Variants in SEC22B observed in about 807,000 individuals in gnomAD.
The protein encoded by SEC22B is SEC22 homolog B, vesicle trafficking protein.
In SEC22B, 10 loss-of-function variants were observed where a neutral mutation model predicts 31.4. That is an observed-to-expected ratio of 0.32 (90% CI 0.20 to 0.54). The LOEUF (loss-of-function observed/expected upper bound fraction) is 0.54. Among genes scored for constraint, SEC22B ranks in the 20% least tolerant of loss-of-function variants. The pLI is 0.94. For missense variants in SEC22B, 130 were observed against 263.4 expected (o/e 0.49, Z 3.50); for synonymous variants, 60 against 95.9 (o/e 0.63, Z 2.19).
intron 4 of SEC22B, chr1:120,159,052 T>G (rs1382601384): frequency 1.3e-5 from 2 of 152,138 alleles, no homozygotes; most frequent in Non-Finnish European, 2.9e-5. Context: ...ATGTCCACAT[T>G]AAACACTTAG....
intron 3 of SEC22B, among the ~76,000 whole-genome samples, chr1:120,161,772 T>C (rs1657722376): frequency 6.6e-6 from 1 of 151,952 alleles, no homozygotes; most frequent in Non-Finnish European, 1.5e-5. Flanking sequence ...CTCAAAACTA[T>C]AGGAAGAATG....
At chr1:120,165,502 G>A (rs1413294528) in intron 2 of SEC22B, among the ~76,000 whole-genome samples, 2 of 152,154 alleles carry the variant, frequency 1.3e-5, no homozygotes, top group East Asian at 1.9e-4. Context: ...ACACACACAT[G>A]CAAATATATA....
Position 120,156,633 on chromosome 1 carries a change from C to G in SEC22B, c.*405G>C, listed in dbSNP as rs1234853351. ...AAAAAAAAAAAAAAAAAAACACCTT[C>G]CCAAAGGACTGCCTTCTTTGAAGGA... On this transcript the variant is annotated 3_prime_UTR_variant, in exon 5 of 5. Coordinates refer to ENST00000578049, the MANE Select transcript of SEC22B (RefSeq NM_004892.6). 4.8e-5 allele frequency: 7 copies of G among 144,414 alleles called. No homozygotes were observed. Among genetic ancestry groups the G allele is most frequent in the Admixed American group, 2.1e-4 (3 of 14,330 alleles). The allele number at this position is 144,414 out of a possible 1,614,324, so 8.9% of individuals were successfully genotyped here.
At chr1:120,171,769 T>C (rs1657899562) in intron 1 of SEC22B, among the ~76,000 whole-genome samples, 1 of 132,420 alleles carries the variant, frequency 7.6e-6, no homozygotes, top group African/African-American at 3.9e-5. Flanking sequence ...TGGATATAAT[T>C]TGAGTACAGA....
At chr1:120,166,396 T>TACACACACACACAC (rs1268229455) in intron 2 of SEC22B, among the ~76,000 whole-genome samples, 184 of 143,588 alleles carry the variant, frequency 1.3e-3, no homozygotes, top group East Asian at 6.3e-3. Context: ...AAGTGTTTTT[T>TACACACACACACAC]ACACACACAC....
At chr1:120,163,006 C>G (rs1231447584) in intron 3 of SEC22B, among the ~76,000 whole-genome samples, 5 of 152,012 alleles carry the variant, frequency 3.3e-5, no homozygotes, top group Admixed American at 2.6e-4. Context: ...GGGGAAAGAT[C>G]AAAAGACTAG....
rs1657851182 is a variant in SEC22B, at chr1:120,168,872, T to A, written c.153A>T (p.Arg51Ser). 6 of 1,419,982 alleles carry A rather than the reference T, an allele frequency of 4.2e-6. No individual in the cohort carries two copies. The highest frequency in any genetic ancestry group is 5.6e-6 in the Non-Finnish European group (6 of 1,079,698). The allele number at this position is 1,419,982 out of a possible 1,614,324, so 88.0% of individuals were successfully genotyped here. Residue 51 changes from arginine (R) to serine (S), a missense_variant, in exon 2 of 5, where the codon AGA becomes AGT. This residue lies in a region of SEC22B where 41 missense variants were observed against 124.9 expected (regional missense o/e 0.33). Transcript: ENST00000578049. Reference protein sequence around the residue: ...FRKLNEQSPTRCTLEAGAMTF... With the variant: ...FRKLNEQSPTSCTLEAGAMTF... Reference sequence around the variant, plus strand: ...TCATGGCTCCTGCTTCCAAGGTACATCTGGTAGGGGACTGTTCATTCAACT... The same window carrying A: ...TCATGGCTCCTGCTTCCAAGGTACAACTGGTAGGGGACTGTTCATTCAACT...
At chr1:120,174,176 T>A (rs1657924847) in intron 1 of SEC22B, among the ~76,000 whole-genome samples, 1 of 151,944 alleles carries the variant, frequency 6.6e-6, no homozygotes, top group South Asian at 2.1e-4. Context: ...AAGTGATCTA[T>A]CCTCTCTAAG....
At chr1:120,165,274 G>A (rs1657788579) in intron 2 of SEC22B, among the ~76,000 whole-genome samples, 1 of 151,996 alleles carries the variant, frequency 6.6e-6, no homozygotes, top group South Asian at 2.1e-4. Context: ...ATGACATAAT[G>A]TTTACTGGGT....
chr1:120,169,408 T>C (rs1476254685), intron 1 of SEC22B, among the ~76,000 whole-genome samples: 2 of 152,198 alleles, frequency 1.3e-5, no homozygotes, highest in Non-Finnish European at 2.9e-5. Flanking sequence ...CAAAACTAAA[T>C]GTGTGTACTA....
At position 120,152,999 on chromosome 1, in the gene SEC22B, T is replaced by A. The variant is rs1553228922; in HGVS notation, c.*4039A>T. ...ATGAAGGAAATGAGAGAAAAAAGTA[T>A]AGATTACTATATGGAAGTCAAATTT... is the stretch of plus-strand genomic sequence containing the variant. On this transcript the variant is annotated 3_prime_UTR_variant, in exon 5 of 5. Coordinates refer to ENST00000578049, the MANE Select transcript of SEC22B (RefSeq NM_004892.6). 1 of 149,484 alleles carries A rather than the reference T, an allele frequency of 6.7e-6. No individual in the cohort carries two copies. The highest frequency in any genetic ancestry group is 2.5e-5 in the African/African-American group (1 of 39,234). The allele number at this position is 149,484 out of a possible 1,614,324, so 9.3% of individuals were successfully genotyped here.
At position 120,156,924 on chromosome 1, in the gene SEC22B, T is replaced by C. The variant is rs1333118015; in HGVS notation, c.*114A>G. On this transcript the variant is annotated 3_prime_UTR_variant, in exon 5 of 5. Coordinates refer to ENST00000578049, the MANE Select transcript of SEC22B (RefSeq NM_004892.6). ...GGCATCTCTTTTCTTGCAAGGTCTT[T>C]AGAGGCAGAAGTTCCACTTGGATTC... The C allele has an allele frequency of 7.0e-6, 4 of 573,666 alleles. No homozygotes were observed. Among genetic ancestry groups the C allele is most frequent in the East Asian group, 6.5e-5 (2 of 30,636 alleles). 35.5% of individuals were successfully genotyped at this position (573,666 alleles called of 1,614,324 possible). A position where few individuals can be genotyped will look rare whatever the true frequency, so the allele number is the denominator to read the frequency against.
At chr1:120,161,958 A>G (rs1487588303) in intron 3 of SEC22B, among the ~76,000 whole-genome samples, 1 of 132,684 alleles carries the variant, frequency 7.5e-6, no homozygotes, top group Non-Finnish European at 1.5e-5. Flanking sequence ...AGTTAGGTTC[A>G]GGCAATGAAG....
At chr1:120,157,454 T>C (rs1266261319) in intron 4 of SEC22B, 1 of 279,710 alleles carries the variant, frequency 3.6e-6, no homozygotes, top group African/African-American at 2.2e-5. Flanking sequence ...CTGTACAAGT[T>C]ATGTGACATT....
At chr1:120,168,575 C>T (rs1419040566) in intron 2 of SEC22B, among the ~76,000 whole-genome samples, 2 of 151,044 alleles carry the variant, frequency 1.3e-5, no homozygotes, top group African/African-American at 4.9e-5. Context: ...ACATATCTGG[C>T]TCCAAGACAG....
At position 120,155,769 on chromosome 1, in the gene SEC22B, TA is replaced by T. The variant is rs1336494070; in HGVS notation, c.*1268del. The T allele has an allele frequency of 2.0e-5, 3 of 152,058 alleles. No individual in the cohort carries two copies. Among genetic ancestry groups the T allele is most frequent in the African/African-American group, 7.2e-5 (3 of 41,414 alleles). The allele number at this position is 152,058 out of a possible 1,614,324, so 9.4% of individuals were successfully genotyped here. A position where few individuals can be genotyped will look rare whatever the true frequency, so the allele number is the denominator to read the frequency against. On this transcript the variant is annotated 3_prime_UTR_variant, in exon 5 of 5. Coordinates refer to ENST00000578049, the MANE Select transcript of SEC22B (RefSeq NM_004892.6). ...TATTTAAAAGGCCTATTTTCCCCATTAAAAAATTCTACCTCAGAAGGTAAAA... is the reference window on the plus strand; with the variant it reads ...TATTTAAAAGGCCTATTTTCCCCATTAAAAATTCTACCTCAGAAGGTAAAA...
intron 2 of SEC22B, among the ~76,000 whole-genome samples, chr1:120,165,152 C>T (rs1338425442): frequency 6.6e-6 from 1 of 152,036 alleles, no homozygotes; most frequent in African/African-American, 2.4e-5. Flanking sequence ...GTTGTGACTC[C>T]ATCCACCCTT....
rs1570863584 is a variant in SEC22B at position 120,154,046 on chromosome 1, C to T, written c.*2992G>A. On this transcript the variant is annotated 3_prime_UTR_variant, in exon 5 of 5. Transcript: ENST00000578049. The stretch of plus-strand genomic sequence containing the variant: ...CAGCGTCACAATAACCAGAAAAGCA[C>T]TTGTGAGAGTAGTTCTATGTCTTTA... 6.6e-6 allele frequency: 1 copy of T among 151,440 alleles called. No individual in the cohort carries two copies. Among genetic ancestry groups the T allele is most frequent in the South Asian group, 2.1e-4 (1 of 4,804 alleles). 9.4% of individuals were successfully genotyped at this position (151,440 alleles called of 1,614,324 possible). A position where few individuals can be genotyped will look rare whatever the true frequency, so the allele number is the denominator to read the frequency against.
intron 2 of SEC22B, among the ~76,000 whole-genome samples, chr1:120,167,484 A>G (rs1333935855): frequency 6.6e-6 from 1 of 151,856 alleles, no homozygotes; most frequent in East Asian, 1.9e-4. Flanking sequence ...TTTCTGTGAA[A>G]CTTCTTTATA....
Sources: gnomAD v4.1 joint callset for allele counts (sites outside exome capture counted in the v4.1 genomes callset) on GRCh38, gnomAD v4.1.1 for gene constraint, gnomAD v4.1.1 regional missense constraint, MANE v1.5 for transcripts, NCBI Gene and HGNC (gene_info 2026-07-23, HGNC 2026-07-21) for gene names.